The following TLE6 variants were observed in gnomAD, a reference collection of about 807,000 sequenced individuals.
The protein encoded by TLE6 is transducin-like enhancer protein 6.
Under a neutral mutation model 77.1 loss-of-function variants are expected in TLE6, and 72 were observed. That is an observed-to-expected ratio of 0.93 (90% confidence interval 0.77 to 1.14). TLE6 has a LOEUF of 1.14. Among genes scored for constraint, TLE6 ranks in the 50% most tolerant of loss-of-function variants. The pLI, the probability that TLE6 is intolerant of heterozygous loss-of-function variation, is 0.00. For missense variants in TLE6, 843 were observed against 747.6 expected (o/e 1.13, Z -1.49); for synonymous variants, 366 against 287.3 (o/e 1.27, Z -2.77).
At chr19:2,978,358 T>A in intron 2 of TLE6, 74 bp downstream of exon 2, 1 of 1,484,716 alleles carries the variant, frequency 6.7e-7, no homozygotes, top group South Asian at 1.2e-5. Context: ...CTTTTCCACC[T>A]GTGACCTGGG....
At chr19:2,985,298 C>T (rs1411123532) in intron 5 of TLE6, among the ~76,000 whole-genome samples, 3 of 151,870 alleles carry the variant, frequency 2.0e-5, no homozygotes, top group African/African-American at 7.2e-5. Flanking sequence ...TTCTCCCCAG[C>T]AGGTAACCCT....
chr19:2,992,318 C>T (rs181626316), intron 14 of TLE6, among the ~76,000 whole-genome samples: 8 of 151,994 alleles, frequency 5.3e-5, no homozygotes, highest in Non-Finnish European at 1.2e-4. Flanking sequence ...ACTAAAAATA[C>T]AAAATTGGCC....
chr19:2,979,974 A>AAAAAAC, intron 2 of TLE6, 126 bp from the exon 3 acceptor site: 1 of 678,260 alleles, frequency 1.5e-6, no homozygotes, highest in Non-Finnish European at 2.4e-6. Flanking sequence ...CAAAAAAAAA[A>AAAAAAC]AAAAAAGCAA....
intron 14 of TLE6, among the ~76,000 whole-genome samples, chr19:2,992,460 G>A (rs1452845108): frequency 2.0e-5 from 3 of 151,820 alleles, no homozygotes; most frequent in African/African-American, 7.3e-5. Flanking sequence ...CAATAAGAGC[G>A]AAACTCTGTC....
At chr19:2,984,197 A>C (rs1162718617) in intron 5 of TLE6, 1 of 152,248 alleles carries the variant, frequency 6.6e-6, no homozygotes, top group Non-Finnish European at 1.5e-5. Context: ...CACACTTTTC[A>C]TGCTGAGCGC....
chr19:2,983,082 C>T (rs1027733343), intron 5 of TLE6, among the ~76,000 whole-genome samples: 1 of 152,134 alleles, frequency 6.6e-6, no homozygotes, highest in Admixed American at 6.5e-5. Context: ...GATTTTCCGC[C>T]TGTGCCAGAT....
At chr19:2,986,380 C>T (rs2088910973) in intron 5 of TLE6, among the ~76,000 whole-genome samples, 2 of 151,846 alleles carry the variant, frequency 1.3e-5, no homozygotes, top group Non-Finnish European at 1.5e-5. Context: ...CGCACCACTG[C>T]ACTCCAGCCT....
intron 14 of TLE6, among the ~76,000 whole-genome samples, chr19:2,992,420 C>T (rs1211830458): frequency 1.3e-5 from 2 of 151,822 alleles, no homozygotes; most frequent in African/African-American, 4.8e-5. Context: ...TGTGGTGAGC[C>T]GAGATCGTGC....
In TLE6 at chr19:2,981,533, C is replaced by T. The variant is rs1174586307; in HGVS notation, c.135-5C>T. 2 of 1,551,438 alleles carry T rather than the reference C, an allele frequency of 1.3e-6. No individual in the cohort carries two copies. Among genetic ancestry groups the T allele is most frequent in the Non-Finnish European group, 1.7e-6 (2 of 1,146,968 alleles). Reference sequence around the variant, plus strand: ...GTCTTCCAGCCTGTCCTCCTTCCCCCTCAGGTTTTCTCCTCATTTTGCTGC... The same window carrying T: ...GTCTTCCAGCCTGTCCTCCTTCCCCTTCAGGTTTTCTCCTCATTTTGCTGC... On this transcript the variant is annotated splice_region_variant and splice_polypyrimidine_tract_variant and intron_variant, in intron 3 of 16. Coordinates refer to ENST00000246112, the MANE Select transcript of TLE6 (RefSeq NM_001143986.2).
intron 11 of TLE6, 196 bp from the exon 12 acceptor site, chr19:2,988,865 G>C: frequency 1.3e-6 from 1 of 750,284 alleles, no homozygotes; most frequent in South Asian, 1.9e-5. Flanking sequence ...GCAGAAGTAT[G>C]TGGAGGGCTG....
intron 9 of TLE6, 51 bp from the exon 10 acceptor site, chr19:2,987,847 T>C (rs1394940511): frequency 1.9e-6 from 3 of 1,613,530 alleles, no homozygotes; most frequent in Admixed American, 3.3e-5. Flanking sequence ...GGGGGCATCC[T>C]GTGCTGAGGA....
At chr19:2,989,834 G>A in intron 13 of TLE6, 49 bp downstream of exon 13, 1 of 1,600,266 alleles carries the variant, frequency 6.2e-7, no homozygotes, top group Non-Finnish European at 8.5e-7. Flanking sequence ...AGCCTCCTGT[G>A]GCCACCTCTG....
At chr19:2,993,328 G>A (rs1255267008) in intron 14 of TLE6, 104 bp from the exon 15 acceptor site, 1 of 1,245,650 alleles carries the variant, frequency 8.0e-7, no homozygotes, top group African/African-American at 1.6e-5. Context: ...GCTAGGAAGG[G>A]GTCAGTCACC....
chr19:2,994,929 T>G lies in TLE6; in HGVS notation c.1644T>G (p.Cys548Trp). The G allele has an allele frequency of 6.2e-7, 1 of 1,605,572 alleles. No individual in the cohort carries two copies. Among genetic ancestry groups the G allele is most frequent in the Non-Finnish European group, 8.5e-7 (1 of 1,176,252 alleles). ...CTGAGATGTCTCCAGTCACGTGCTG[T>G]GACGTCTCTTCCAACAACCGCCTCG... ...EVPEMSPVTCCDVSSNNRLVV... is the reference protein window; with the variant it reads ...EVPEMSPVTCWDVSSNNRLVV... The change falls in exon 17 of 17, where the codon TGT becomes TGG. Residue 548 changes from cysteine (C) to tryptophan (W), a missense_variant. By Grantham distance (215) the Cys-to-Trp change is radical. Transcript: ENST00000246112.
chr19:2,984,068 G>A (rs2088855034), intron 5 of TLE6: 1 of 152,382 alleles, frequency 6.6e-6, no homozygotes, highest in African/African-American at 2.4e-5. Context: ...GCTGCTTCCA[G>A]TTCCGGGCTT....
chr19:2,990,652 AATACATAAATATATACATAAATATATAC>A (rs2089027126), intron 13 of TLE6, among the ~76,000 whole-genome samples: 1 of 78,412 alleles, frequency 1.3e-5, no homozygotes, highest in African/African-American at 7.8e-5. Flanking sequence ...TATATATATA[AATACATAAATATATACATAAATATATAC>A]ATAAATATAT....
At position 2,994,884 on chromosome 19, in the gene TLE6, A is replaced by C. The variant is rs1347527967; in HGVS notation, c.1615-16A>C. On this transcript the variant is annotated splice_polypyrimidine_tract_variant and intron_variant, in intron 16 of 16. Transcript: ENST00000246112. ...TGAGCCCTACCCCAGCTCACTGCCC[A>C]CTGCCCCCCCTCCAGGTGCCTGAGA... The C allele has an allele frequency of 1.3e-6, 2 of 1,544,298 alleles. No homozygotes were observed. Among genetic ancestry groups the C allele is most frequent in the East Asian group, 2.3e-5 (1 of 43,670 alleles).
chr19:2,993,026 TA>T (rs377287142), intron 14 of TLE6, among the ~76,000 whole-genome samples: 2,483 of 48,312 alleles, frequency 0.051, 34 homozygotes, highest in African/African-American at 0.089. Flanking sequence ...CCGTCTCTAC[TA>T]AAAAAAAAAA....
At chr19:2,988,889 A>G (rs950857480) in intron 11 of TLE6, 172 bp from the exon 12 acceptor site, 49 of 958,598 alleles carry the variant, frequency 5.1e-5, no homozygotes, top group Middle Eastern at 3.3e-4. Context: ...CAAAGGGACA[A>G]TACTTGAAGG....
Sources: allele counts gnomAD v4.1 joint callset (sites outside exome capture counted in the v4.1 genomes callset), GRCh38; gene constraint gnomAD v4.1.1; transcripts MANE v1.5; gene names NCBI Gene and HGNC (gene_info 2026-07-23, HGNC 2026-07-21).